Variants in APC observed in about 807,000 individuals in gnomAD.
APC encodes adenomatous polyposis coli protein.
Under a neutral mutation model 247.0 loss-of-function variants are expected in APC, and 72 were observed. The ratio of observed to expected loss-of-function variants is 0.29; its 90% CI spans 0.24 to 0.35. The LOEUF is 0.35. Among genes scored for constraint, APC ranks in the 10% least tolerant of loss-of-function variants. APC has a pLI of 1.00. For synonymous variants in APC, 1,254 were observed against 1,162.5 expected (o/e 1.08, Z -1.60); for missense variants, 3,400 against 3,360.7 (o/e 1.01, Z -0.29).
intron 5 of APC, among the ~76,000 whole-genome samples, chr5:112,776,863 A>T (rs1224121328): frequency 7.5e-6 from 1 of 134,120 alleles, no homozygotes; most frequent in Non-Finnish European, 1.5e-5. Flanking sequence ...AAGAAAAAAT[A>T]AAAAAAAAAA....
chr5:112,829,460 T>G (rs1234636405), intron 14 of APC: 2 of 166,284 alleles, frequency 1.2e-5, no homozygotes, highest in Non-Finnish European at 2.6e-5. Flanking sequence ...TCTTACCTGT[T>G]TATCTCACCA....
chr5:112,832,402 A>G (rs1764391242), intron 14 of APC, among the ~76,000 whole-genome samples: 1 of 152,222 alleles, frequency 6.6e-6, no homozygotes, highest in African/African-American at 2.4e-5. Context: ...CTTCTTGCAT[A>G]AAAGCACTCT....
chr5:112,806,832 C>T (rs1287205444), intron 8 of APC, among the ~76,000 whole-genome samples: 1 of 152,132 alleles, frequency 6.6e-6, no homozygotes, highest in East Asian at 1.9e-4. Flanking sequence ...CCAGCATTGG[C>T]CTCCCAAAGT....
In APC at chr5:112,835,291, G is replaced by T. The variant is rs368368751; in HGVS notation, c.1958+126G>T. ...CAAAATATATTTATTACTGTGAAAA[G>T]ATAACTACTAACTCTTAGTTTAACT... is the stretch of plus-strand genomic sequence containing the variant. On this transcript the variant is annotated intron_variant, in intron 15 of 15. Coordinates refer to ENST00000257430, the MANE Select transcript of APC (RefSeq NM_000038.6). 64 of 828,768 alleles carry T rather than the reference G, an allele frequency of 7.7e-5. 1 individual carries two copies. The East Asian group carries it at 8.6e-4, about 11-fold the overall frequency. 51.3% of individuals were successfully genotyped at this position (828,768 alleles called of 1,614,324 possible).
At position 112,839,603 on chromosome 5, in the gene APC, C is replaced by T. The variant is rs1554085448; in HGVS notation, c.4009C>T (p.Leu1337=). The change falls in exon 16 of 16, where the codon CTG becomes TTG. Residue 1337 remains leucine, a synonymous_variant. Transcript: ENST00000257430. The surrounding 1 kb of genome is among the most constrained non-coding windows in gnomAD (Gnocchi z 5.0). Reference sequence around the variant, plus strand: ...GCACCCTAGAACCAAATCCAGCAGACTGCAGGGTTCTAGTTTATCTTCAGA... The same window carrying T: ...GCACCCTAGAACCAAATCCAGCAGATTGCAGGGTTCTAGTTTATCTTCAGA... ...SQHPRTKSSR[L]QGSSLSSESA... 6.2e-7 allele frequency: 1 copy of T among 1,614,174 alleles called. No individual in the cohort carries two copies. The highest frequency in any genetic ancestry group is 8.5e-7 in the Non-Finnish European group (1 of 1,180,018).
Position 112,720,370 on chromosome 5 carries a change from A to G in APC, c.165+12488A>G, listed in dbSNP as rs536190890. 2.6e-5 allele frequency among the ~76,000 whole-genome samples: 4 copies of G among 152,298 alleles called. No individual in the cohort carries two copies. The East Asian group carries it at 7.7e-4, about 29-fold the overall frequency. On this transcript the variant is annotated intron_variant, in intron 1 of 13. Coordinates refer to the APC transcript ENST00000507379. Reference sequence around the variant, plus strand: ...ATTATAGTTCCTTCTCTTTCCTGCTATGTTAGATTCAAATAGCTTTTTGTT... The same window carrying G: ...ATTATAGTTCCTTCTCTTTCCTGCTGTGTTAGATTCAAATAGCTTTTTGTT...
chr5:112,796,323 C>G (rs1010238837), intron 7 of APC, among the ~76,000 whole-genome samples: 1 of 152,044 alleles, frequency 6.6e-6, no homozygotes. Flanking sequence ...GAGTATCCCC[C>G]CTTCCCCAAA....
Position 112,838,847 on chromosome 5 carries a change from A to G in APC, c.3253A>G (p.Lys1085Glu), listed in dbSNP as rs2149888006. The G allele has an allele frequency of 6.2e-7, 1 of 1,614,184 alleles. No individual in the cohort carries two copies. The highest frequency in any genetic ancestry group is 8.5e-7 in the Non-Finnish European group (1 of 1,180,040). Residue 1085 changes from lysine to glutamate, a missense_variant, in exon 16 of 16, where the codon AAA becomes GAA. Physicochemically the swap from Lys to Glu is moderately conservative, Grantham distance 56. Around this residue, in one of 9 missense-constraint regions of APC, gnomAD observed 715 missense variants for 656.6 expected, o/e 1.09. Coordinates refer to ENST00000257430, the MANE Select transcript of APC (RefSeq NM_000038.6). ...YPVYTESTDD[K>E]HLKFQPHFGQ... is the part of the protein sequence containing the mutation. ...TGTTTATACTGAGAGCACTGATGAT[A>G]AACACCTCAAGTTCCAACCACATTT... is the stretch of plus-strand genomic sequence containing the variant.
At chr5:112,709,033 G>C (rs552247731) in intron 1 of APC, among the ~76,000 whole-genome samples, 16 of 152,156 alleles carry the variant, frequency 1.1e-4, no homozygotes, top group African/African-American at 3.9e-4. Flanking sequence ...CGTGTCAAGA[G>C]CCCCAAAATT....
intron 1 of APC, among the ~76,000 whole-genome samples, chr5:112,710,555 C>A (rs1750791662): frequency 6.6e-6 from 1 of 152,192 alleles, no homozygotes; most frequent in Non-Finnish European, 1.5e-5. Context: ...CCCTCTCTAG[C>A]CTACATAGAT....
chr5:112,819,374 C>T (rs1198881814), intron 10 of APC, 30 bp downstream of exon 10: 4 of 1,613,700 alleles, frequency 2.5e-6, no homozygotes, highest in Non-Finnish European at 3.4e-6. Context: ...CATCGTAGTG[C>T]ATGTTTCAAA....
At chr5:112,791,700 T>C (rs1759617040) in intron 6 of APC, among the ~76,000 whole-genome samples, 1 of 152,180 alleles carries the variant, frequency 6.6e-6, no homozygotes, top group Admixed American at 6.5e-5. Flanking sequence ...CAGATGTTCT[T>C]TCCCTTTACT....
upstream of APC, among the ~76,000 whole-genome samples, chr5:112,733,975 GACTC>G (rs1752231921): frequency 6.6e-6 from 1 of 152,182 alleles, no homozygotes; most frequent in Admixed American, 6.5e-5. Context: ...CTTCTTTTGA[GACTC>G]ACTCCTTGAG....
At chr5:112,749,734 C>T (rs1016131165) in intron 1 of APC, among the ~76,000 whole-genome samples, 23 of 151,898 alleles carry the variant, frequency 1.5e-4, no homozygotes, top group Admixed American at 1.3e-3. Flanking sequence ...ATCCACCCGC[C>T]TTGGCCTCCC....
Position 112,842,797 on chromosome 5 carries a change from A to G in APC, c.7203A>G (p.Leu2401=). 1 of 1,613,564 alleles carries G rather than the reference A, an allele frequency of 6.2e-7. No individual in the cohort carries two copies. The highest frequency in any genetic ancestry group is 2.2e-5 in the East Asian group (1 of 44,878). ...GAAGTGAGTCTGCCTCCAAAGGACT[A>G]AATCAGATGAATAATGGTAATGGAG... ...IPRSESASKG[L]NQMNNGNGAN... is the part of the protein sequence containing the mutation. Residue 2401 remains leucine, a synonymous_variant, in exon 16 of 16, where the codon CTA becomes CTG. Coordinates refer to ENST00000257430, the MANE Select transcript of APC (RefSeq NM_000038.6).
chr5:112,805,338 G>A (rs1177101857), intron 8 of APC, among the ~76,000 whole-genome samples: 2 of 152,178 alleles, frequency 1.3e-5, no homozygotes, highest in South Asian at 4.1e-4. Context: ...ATTTATGTCA[G>A]TATAGGGATG....
At chr5:112,774,381 T>C (rs749188395) in intron 4 of APC, among the ~76,000 whole-genome samples, 9 of 151,918 alleles carry the variant, frequency 5.9e-5, no homozygotes, top group Non-Finnish European at 1.0e-4. Context: ...ATAGAAATAT[T>C]CCAAAATCCA....
intron 5 of APC, among the ~76,000 whole-genome samples, chr5:112,777,377 T>C (rs1757775706): frequency 1.3e-5 from 2 of 152,144 alleles, no homozygotes; most frequent in African/African-American, 2.4e-5. Flanking sequence ...TCCCCTAATA[T>C]ATTTAGAAAA....
At chr5:112,741,757 A>G (rs377080747) in intron 1 of APC, among the ~76,000 whole-genome samples, 1 of 152,174 alleles carries the variant, frequency 6.6e-6, no homozygotes, top group Non-Finnish European at 1.5e-5. Context: ...AACTCTGTGC[A>G]CATTAAACAC....
Sources: gnomAD v4.1 joint callset for allele counts (sites outside exome capture counted in the v4.1 genomes callset) on GRCh38, gnomAD v4.1.1 for gene constraint, gnomAD v4.1.1 regional missense constraint, Gnocchi (gnomAD v3.1) non-coding constraint, MANE v1.5 for transcripts, NCBI Gene and HGNC (gene_info 2026-07-23, HGNC 2026-07-21) for gene names.